The following LRMDA variants were observed in gnomAD, a reference collection of about 807,000 sequenced individuals.
LRMDA encodes leucine rich melanocyte differentiation associated.
In LRMDA, 18 loss-of-function variants were observed where a neutral mutation model predicts 29.8. The ratio of observed to expected loss-of-function variants is 0.60; its 90% CI spans 0.42 to 0.90. The LOEUF (loss-of-function observed/expected upper bound fraction) is 0.90, where lower values mean the gene tolerates loss of function less well. LRMDA is among the 40% of genes least tolerant of loss of function. The pLI is 0.00. For missense variants in LRMDA, 273 were observed against 273.9 expected (o/e 1.00, Z 0.02); for synonymous variants, 125 against 109.4 (o/e 1.14, Z -0.89).
chr10:75,716,793 C>G (rs578202318), intron 2 of LRMDA, among the ~76,000 whole-genome samples: 2 of 152,078 alleles, frequency 1.3e-5, no homozygotes, highest in Non-Finnish European at 2.9e-5. Context: ...TGAGTGACTC[C>G]GTTTATAATA....
intron 2 of LRMDA, among the ~76,000 whole-genome samples, chr10:75,902,232 AC>A (rs761101421): frequency 1.3e-5 from 2 of 152,202 alleles, no homozygotes; most frequent in African/African-American, 2.4e-5. Flanking sequence ...GAGAGATAGG[AC>A]CCAGGGAAGA....
intron 5 of LRMDA, among the ~76,000 whole-genome samples, chr10:76,208,012 C>T (rs956103105): frequency 3.9e-4 from 59 of 152,170 alleles, no homozygotes; most frequent in African/African-American, 1.3e-3. Context: ...TGAGAAGGCA[C>T]CTCCCTCTAG....
intron 6 of LRMDA, among the ~76,000 whole-genome samples, chr10:76,326,079 A>C (rs1163239804): frequency 2.0e-5 from 3 of 152,188 alleles, no homozygotes; most frequent in Non-Finnish European, 4.4e-5. Context: ...ATCCCTACAC[A>C]TTTAACATGT....
chr10:76,246,299 A>G (rs1852375652), intron 5 of LRMDA, among the ~76,000 whole-genome samples: 1 of 152,200 alleles, frequency 6.6e-6, no homozygotes, highest in African/African-American at 2.4e-5. Flanking sequence ...AAAAGCCTGT[A>G]TGGAAATAGC....
At chr10:76,472,213 C>T (rs1458057379) in intron 6 of LRMDA, among the ~76,000 whole-genome samples, 1 of 151,730 alleles carries the variant, frequency 6.6e-6, no homozygotes, top group African/African-American at 2.4e-5. Context: ...GTAAATCATG[C>T]AGAGTGTGTT....
intron 2 of LRMDA, among the ~76,000 whole-genome samples, chr10:76,021,264 G>A (rs1369508763): frequency 3.9e-5 from 6 of 152,188 alleles, no homozygotes; most frequent in African/African-American, 9.7e-5. Context: ...ACCTTGACCC[G>A]TAGTTGTGAT....
At chr10:75,759,517 G>A (rs1346108691) in intron 2 of LRMDA, among the ~76,000 whole-genome samples, 6 of 152,184 alleles carry the variant, frequency 3.9e-5, no homozygotes, top group Admixed American at 3.9e-4. Flanking sequence ...AAGGGAAAAT[G>A]AGAAAAAGCA....
chr10:75,725,400 A>C (rs959354918), intron 2 of LRMDA, among the ~76,000 whole-genome samples: 1 of 152,222 alleles, frequency 6.6e-6, no homozygotes, highest in African/African-American at 2.4e-5. Context: ...TCCTCTAGTC[A>C]AAGGGTCCTT....
intron 2 of LRMDA, among the ~76,000 whole-genome samples, chr10:75,591,400 T>G (rs1457896866): frequency 6.6e-6 from 1 of 152,202 alleles, no homozygotes; most frequent in Admixed American, 6.5e-5. Flanking sequence ...GTTGTACAAA[T>G]GTACCCCAAG....
intron 2 of LRMDA, among the ~76,000 whole-genome samples, chr10:75,563,304 T>C (rs1840324379): frequency 6.6e-6 from 1 of 152,160 alleles, no homozygotes; most frequent in Non-Finnish European, 1.5e-5. Flanking sequence ...TGATACCCTT[T>C]CTTCCATTTG....
intron 6 of LRMDA, among the ~76,000 whole-genome samples, chr10:76,406,786 A>C (rs1841906582): frequency 6.6e-6 from 1 of 152,230 alleles, no homozygotes; most frequent in Admixed American, 6.5e-5. Context: ...TTTGTGAAGC[A>C]AAACATGAAA....
chr10:75,720,195 A>G (rs1249585707), intron 2 of LRMDA, among the ~76,000 whole-genome samples: 2 of 152,202 alleles, frequency 1.3e-5, no homozygotes, highest in African/African-American at 4.8e-5. Flanking sequence ...GGCACATCAA[A>G]TCTTAGTAAA....
At chr10:75,493,877 C>T (rs1456497163) in intron 2 of LRMDA, among the ~76,000 whole-genome samples, 1 of 145,512 alleles carries the variant, frequency 6.9e-6, no homozygotes, top group Non-Finnish European at 1.5e-5. Flanking sequence ...CTCTCCGTGA[C>T]TGACTTGTCT....
intron 6 of LRMDA, among the ~76,000 whole-genome samples, chr10:76,372,816 A>C (rs1213534025): frequency 6.6e-6 from 1 of 151,968 alleles, no homozygotes; most frequent in African/African-American, 2.4e-5. Flanking sequence ...ATATGGGACC[A>C]GTTGATTCCT....
chr10:76,085,351 G>T (rs1429867786), intron 5 of LRMDA, among the ~76,000 whole-genome samples: 4 of 152,208 alleles, frequency 2.6e-5, no homozygotes, highest in African/African-American at 9.7e-5. Flanking sequence ...GGACCTGGGG[G>T]ATACTGGACA....
intron 6 of LRMDA, among the ~76,000 whole-genome samples, chr10:76,390,140 C>A (rs1397505467): frequency 6.6e-6 from 1 of 152,160 alleles, no homozygotes; most frequent in Non-Finnish European, 1.5e-5. Flanking sequence ...TCCACAGGCT[C>A]ATCAACATTT....
At chr10:76,379,677 C>G (rs921273098) in intron 6 of LRMDA, among the ~76,000 whole-genome samples, 5 of 151,826 alleles carry the variant, frequency 3.3e-5, no homozygotes, top group Admixed American at 3.3e-4. Context: ...TTTGTTTTAT[C>G]GATACTTTGT....
intron 2 of LRMDA, among the ~76,000 whole-genome samples, chr10:76,030,193 A>G (rs941368953): frequency 4.6e-5 from 7 of 152,152 alleles, no homozygotes; most frequent in African/African-American, 7.2e-5. Flanking sequence ...TCTTAAAGAC[A>G]TTTCTATTCA....
chr10:75,536,528 G>T (rs1839950144), intron 2 of LRMDA, among the ~76,000 whole-genome samples: 1 of 152,106 alleles, frequency 6.6e-6, no homozygotes, highest in Non-Finnish European at 1.5e-5. Flanking sequence ...CCTGTTTGGG[G>T]TATATGTGTT....
Sources: gnomAD v4.1 joint callset for allele counts (sites outside exome capture counted in the v4.1 genomes callset) on GRCh38, gnomAD v4.1.1 for gene constraint, MANE v1.5 for transcripts, NCBI Gene and HGNC (gene_info 2026-07-23, HGNC 2026-07-21) for gene names.